TRIO: variants seen among roughly 807,000 people sequenced by gnomAD.
TRIO encodes the protein trio Rho guanine nucleotide exchange factor, also known as triple functional domain protein.
A neutral mutation model predicts 351.9 loss-of-function variants in TRIO; 58 were observed. The observed-to-expected ratio is 0.16, with a 90% CI of 0.13 to 0.21. The LOEUF (loss-of-function observed/expected upper bound fraction) is 0.21, where lower values mean the gene tolerates loss of function less well. TRIO is among the 10% of genes least tolerant of loss of function. The pLI, the probability that TRIO is intolerant of heterozygous loss-of-function variation, is 1.00. For synonymous variants in TRIO, 1,758 were observed against 1,595.7 expected (o/e 1.10, Z -2.42); for missense variants, 3,201 against 4,027.8 (o/e 0.79, Z 5.56).
At chr5:14,172,275 C>T (rs1789144169) in intron 1 of TRIO, among the ~76,000 whole-genome samples, 1 of 152,234 alleles carries the variant, frequency 6.6e-6, no homozygotes, top group African/African-American at 2.4e-5. Flanking sequence ...CCAAGCAGTA[C>T]TTGCCCCTGA....
rs560555481 is a variant in TRIO at position 14,338,128 on chromosome 5, C to T, written c.2046+1401C>T. Among the ~76,000 whole-genome samples, 6 of 152,260 alleles carry T rather than the reference C, an allele frequency of 3.9e-5. No homozygotes were observed. In the South Asian group the frequency reaches 8.3e-4, roughly 21 times the overall value. Reference sequence around the variant, plus strand: ...ACTAAGTTTCCCACTCATTGTGAACCGAGCTTGTCTCTTGCTGCCCTCCAG... The same window carrying T: ...ACTAAGTTTCCCACTCATTGTGAACTGAGCTTGTCTCTTGCTGCCCTCCAG... On this transcript the variant is annotated intron_variant, in intron 11 of 56. Transcript: ENST00000344204.
At chr5:14,220,596 T>C (rs1792555014) in intron 1 of TRIO, among the ~76,000 whole-genome samples, 1 of 152,170 alleles carries the variant, frequency 6.6e-6, no homozygotes, top group Non-Finnish European at 1.5e-5. Flanking sequence ...TTAAAAGTGC[T>C]ACTCCAGTGA....
Position 14,500,082 on chromosome 5 carries a change from C to G in TRIO, c.8332+1442C>G, listed in dbSNP as rs1190679852. ...AAAAAAAAAAAAAGACTATTCATAC[C>G]CTGGAAATGCAAATGGGAAAATAAT... On this transcript the variant is annotated intron_variant, in intron 53 of 56. Coordinates refer to ENST00000344204, the MANE Select transcript of TRIO (RefSeq NM_007118.4). Among the ~76,000 whole-genome samples, 5 of 151,646 alleles carry G rather than the reference C, an allele frequency of 3.3e-5. No homozygotes were observed. In the East Asian group the frequency reaches 5.8e-4, roughly 18 times the overall value.
chr5:14,297,598 C>G, intron 7 of TRIO: 1 of 196,076 alleles, frequency 5.1e-6, no homozygotes, highest in Non-Finnish European at 1.1e-5. Flanking sequence ...CTCTTCTCTT[C>G]CCCTCCTCTC....
At chr5:14,333,918 G>A (rs1741152137) in intron 10 of TRIO, among the ~76,000 whole-genome samples, 1 of 152,208 alleles carries the variant, frequency 6.6e-6, no homozygotes, top group Non-Finnish European at 1.5e-5. Flanking sequence ...GAACAGGATA[G>A]TAGGAGTTGG....
At chr5:14,252,370 C>T (rs536832446) in intron 1 of TRIO, among the ~76,000 whole-genome samples, 1 of 152,322 alleles carries the variant, frequency 6.6e-6, no homozygotes, top group South Asian at 2.1e-4. Flanking sequence ...TGGTGATTTT[C>T]AGGGTAGCTG....
chr5:14,145,800 T>G (rs1333099440), intron 1 of TRIO, among the ~76,000 whole-genome samples: 1 of 152,192 alleles, frequency 6.6e-6, no homozygotes, highest in Non-Finnish European at 1.5e-5. Context: ...CACCGAAGAT[T>G]TGCTGCCTGT....
intron 11 of TRIO, among the ~76,000 whole-genome samples, chr5:14,347,528 G>A (rs1191220162): frequency 2.6e-5 from 4 of 152,256 alleles, no homozygotes; most frequent in Non-Finnish European, 5.9e-5. Flanking sequence ...GACATCTGGA[G>A]AGACTGCTCA....
intron 29 of TRIO, 26 bp from the exon 30 acceptor site, chr5:14,398,854 T>C (rs1211536112): frequency 3.2e-6 from 5 of 1,569,600 alleles, no homozygotes; most frequent in Admixed American, 2.0e-5. Flanking sequence ...TTTAAATTGA[T>C]TTGCCTCCCT....
At chr5:14,149,411 CACTT>C (rs1000044488) in intron 1 of TRIO, among the ~76,000 whole-genome samples, 3 of 152,176 alleles carry the variant, frequency 2.0e-5, no homozygotes, top group African/African-American at 4.8e-5. Context: ...CTCATGGAAA[CACTT>C]AATTTGCTTA....
At chr5:14,397,219 A>G in intron 29 of TRIO, 65 bp downstream of exon 29, 1 of 1,344,784 alleles carries the variant, frequency 7.4e-7, no homozygotes. Context: ...TTGTAAATGG[A>G]TTTCCTGAAC....
intron 27 of TRIO, 95 bp downstream of exon 27, chr5:14,391,085 G>T: frequency 1.1e-6 from 1 of 910,482 alleles, no homozygotes; most frequent in Non-Finnish European, 1.6e-6. Flanking sequence ...ATAGTACAAT[G>T]TTTTCATTTT....
At chr5:14,225,226 G>C (rs1488061829) in intron 1 of TRIO, among the ~76,000 whole-genome samples, 2 of 152,190 alleles carry the variant, frequency 1.3e-5, no homozygotes, top group Non-Finnish European at 2.9e-5. Context: ...GTGCAGACAG[G>C]AGGGAGGAGA....
At chr5:14,360,974 C>G (rs900196000) in intron 13 of TRIO, among the ~76,000 whole-genome samples, 2 of 152,210 alleles carry the variant, frequency 1.3e-5, no homozygotes, top group African/African-American at 4.8e-5. Flanking sequence ...GCACGCCGAC[C>G]TCTGCCCCGT....
intron 11 of TRIO, among the ~76,000 whole-genome samples, chr5:14,338,706 G>C (rs1741653828): frequency 6.6e-6 from 1 of 152,166 alleles, no homozygotes; most frequent in African/African-American, 2.4e-5. Context: ...TCCTCATTCG[G>C]GGCCCAGTGA....
chr5:14,199,924 AAGAG>A (rs1330088978), intron 1 of TRIO, among the ~76,000 whole-genome samples: 1 of 152,148 alleles, frequency 6.6e-6, no homozygotes, highest in Admixed American at 6.5e-5. Context: ...ACAGACTTAA[AAGAG>A]AGAACATAGA....
At chr5:14,450,719 G>A (rs188001304) in intron 34 of TRIO, among the ~76,000 whole-genome samples, 5 of 152,254 alleles carry the variant, frequency 3.3e-5, no homozygotes, top group African/African-American at 1.2e-4. Context: ...CCAGACTCAC[G>A]CTCAGTGCTT....
At chr5:14,266,104 C>G (rs1795660454) in intron 1 of TRIO, among the ~76,000 whole-genome samples, 1 of 151,962 alleles carries the variant, frequency 6.6e-6, no homozygotes, top group South Asian at 2.1e-4. Flanking sequence ...GCTCTGCCGT[C>G]CAGGTAAGCA....
rs776734015 is a variant in TRIO at position 14,286,967 on chromosome 5, C to T, written c.444C>T (p.Ser148=). ...IKPLLKILQE[S]FPCCIHVALI... ...CCCTTCTGAAGATCCTGCAGGAGTC[C>T]TTCCCCTGCTGCATCCATGTGGCCC... The change falls in exon 4 of 57, where the codon TCC becomes TCT. Residue 148 remains serine (S), a synonymous_variant. Coordinates refer to ENST00000344204, the MANE Select transcript of TRIO (RefSeq NM_007118.4). The surrounding 1 kb of genome is among the most constrained non-coding windows in gnomAD (Gnocchi z 4.4). 2 of 1,614,198 alleles carry T rather than the reference C, an allele frequency of 1.2e-6. No homozygotes were observed. Among genetic ancestry groups the T allele is most frequent in the South Asian group, 1.1e-5 (1 of 91,086 alleles).
Sources: allele counts gnomAD v4.1 joint callset (sites outside exome capture counted in the v4.1 genomes callset), GRCh38; gene constraint gnomAD v4.1.1; non-coding constraint Gnocchi (gnomAD v3.1); transcripts MANE v1.5; gene names NCBI Gene and HGNC (gene_info 2026-07-23, HGNC 2026-07-21).